FHL2: variants seen among roughly 807,000 people sequenced by gnomAD.
The protein encoded by FHL2 is four and a half LIM domains 2, also known as four and a half LIM domains protein 2.
Under a neutral mutation model 32.7 loss-of-function variants are expected in FHL2, and 20 were observed. The observed-to-expected ratio is 0.61, with a 90% CI of 0.43 to 0.89. The LOEUF (loss-of-function observed/expected upper bound fraction) is 0.89. Ranked by LOEUF, FHL2 falls within the 40% of genes least tolerant of loss-of-function variation. The pLI, the probability that FHL2 is intolerant of heterozygous loss-of-function variation, is 0.00. For synonymous variants in FHL2, 123 were observed against 128.1 expected, an observed-to-expected ratio of 0.96 and a Z score of 0.27; for missense variants, 311 against 358.6, an observed-to-expected ratio of 0.87 and a Z score of 1.07.
intron 2 of FHL2, among the ~76,000 whole-genome samples, chr2:105,387,867 G>A (rs7603522): frequency 0.052 from 7,992 of 152,234 alleles, 641 homozygotes; most frequent in African/African-American, 0.18. Flanking sequence ...AATGCCCAGC[G>A]ATGACAGATT....
At position 105,367,550 on chromosome 2, in the gene FHL2, CA is replaced by C. The variant is rs1558683484; in HGVS notation, c.501+19del. The C allele has an allele frequency of 6.2e-7, 1 of 1,601,318 alleles. No individual in the cohort carries two copies. Among genetic ancestry groups the C allele is most frequent in the Admixed American group, 1.7e-5 (1 of 59,364 alleles). Reference sequence around the variant, plus strand: ...CAAACCAGCCAGAACGTGCAAGGGCCAAGGGGGCATCTGAGATACCTTTTTG... The same window carrying C: ...CAAACCAGCCAGAACGTGCAAGGGCCAGGGGGCATCTGAGATACCTTTTTG... On this transcript the variant is annotated intron_variant, in intron 5 of 6. Transcript: ENST00000530340.
chr2:105,360,439 C>G (rs1312208010), downstream of FHL2: 2 of 151,728 alleles, frequency 1.3e-5, no homozygotes, highest in Non-Finnish European at 2.9e-5. Flanking sequence ...TCACTGCAAG[C>G]TCTGCCTCCC....
chr2:105,363,056 C>G, intron 6 of FHL2: 1 of 515,656 alleles, frequency 1.9e-6, no homozygotes, highest in South Asian at 3.0e-5. Context: ...AACTGGAGCA[C>G]TGGCCATATG....
intron 1 of FHL2, 186 bp from the exon 2 acceptor site, chr2:105,396,883 C>A: frequency 1.7e-6 from 1 of 593,966 alleles, no homozygotes; most frequent in Non-Finnish European, 2.9e-6. Flanking sequence ...TACCTCAGGG[C>A]ATCTGAGTCA....
chr2:105,380,331 T>G (rs1681798115), intron 3 of FHL2, among the ~76,000 whole-genome samples: 1 of 152,214 alleles, frequency 6.6e-6, no homozygotes, highest in African/African-American at 2.4e-5. Flanking sequence ...AATCTTTACC[T>G]GTGAAGACCT....
chr2:105,366,224 A>T (rs1266673425), intron 5 of FHL2, among the ~76,000 whole-genome samples: 2 of 152,182 alleles, frequency 1.3e-5, no homozygotes, highest in East Asian at 3.8e-4. Context: ...AAAGAAAAAA[A>T]AAAAGGAAAT....
chr2:105,419,235 C>T (rs991479156), intron 1 of FHL2, among the ~76,000 whole-genome samples: 2 of 152,224 alleles, frequency 1.3e-5, no homozygotes, highest in South Asian at 2.1e-4. Context: ...ATAGGTTTTT[C>T]GGAACTGGTG....
chr2:105,373,714 C>CGGTCCTT lies in FHL2; in HGVS notation c.169_175dup (p.Arg59GlnfsTer7). 1 of 1,614,036 alleles carries CGGTCCTT rather than the reference C, an allele frequency of 6.2e-7. No individual in the cohort carries two copies. Among genetic ancestry groups the CGGTCCTT allele is most frequent in the Non-Finnish European group, 8.5e-7 (1 of 1,180,030 alleles). On this transcript the variant is annotated frameshift_variant, in exon 4 of 7. Coordinates refer to ENST00000530340, the MANE Select transcript of FHL2 (RefSeq NM_001318895.3). LOFTEE classifies it high-confidence loss of function. ...GTGGAAACAGGCTTCATGCCAGTGC[C>CGGTCCTT]GGTCCTTGTAAGACAAGTCCTGTGG... is the stretch of plus-strand genomic sequence containing the variant.
At chr2:105,376,380 C>T (rs901838721) in intron 3 of FHL2, 1 of 152,176 alleles carries the variant, frequency 6.6e-6, no homozygotes, top group African/African-American at 2.4e-5. Context: ...CCAGAAACGA[C>T]CAAACTCTGG....
Position 105,361,337 on chromosome 2 carries a change from G to C in FHL2, c.786C>G (p.Gly262=). 6.2e-7 allele frequency: 1 copy of C among 1,614,148 alleles called. No individual in the cohort carries two copies. The highest frequency in any genetic ancestry group is 1.1e-5 in the South Asian group (1 of 91,072). Residue 262 remains glycine, a synonymous_variant, in exon 7 of 7, where the codon GGC becomes GGG. Coordinates refer to ENST00000530340, the MANE Select transcript of FHL2 (RefSeq NM_001318895.3). The stretch of plus-strand genomic sequence containing the variant: ...GGATGTCGTCCCTCTCTGTGAGGAA[G>C]CCACGCCCCACCAGTGAGAGGGAGC... ...KKCSLSLVGR[G]FLTERDDILC... is the part of the protein sequence containing the mutation.
In FHL2 at chr2:105,385,485, A is replaced by C. The variant is rs1682238455; in HGVS notation, c.156+876T>G. Among the ~76,000 whole-genome samples the C allele has an allele frequency of 2.0e-5, 3 of 152,348 alleles. No homozygotes were observed. In the South Asian group the frequency reaches 6.2e-4, roughly 32 times the overall value. ...GCACAAAGCAACGAGAGCAGAAAAG[A>C]GATAGTAAAATGCCATGAACTGACT... is the stretch of plus-strand genomic sequence containing the variant. On this transcript the variant is annotated intron_variant, in intron 3 of 6. Transcript: ENST00000530340.
intron 1 of FHL2, among the ~76,000 whole-genome samples, chr2:105,397,267 C>T (rs185045653): frequency 3.3e-5 from 5 of 152,180 alleles, no homozygotes; most frequent in South Asian, 4.1e-4. Flanking sequence ...ATTTACAGCC[C>T]GGGAAACCCT....
chr2:105,387,849 T>A (rs182888761), intron 2 of FHL2, among the ~76,000 whole-genome samples: 61 of 152,278 alleles, frequency 4.0e-4, no homozygotes, highest in South Asian at 1.9e-3. Flanking sequence ...CAACATGGAA[T>A]CAACCTAAAT....
intron 5 of FHL2, among the ~76,000 whole-genome samples, chr2:105,364,536 A>AT (rs1680500247): frequency 6.6e-6 from 1 of 152,186 alleles, no homozygotes; most frequent in Admixed American, 6.5e-5. Context: ...CAGTACCTCA[A>AT]TTTTACCTGA....
At chr2:105,397,652 T>C (rs1475854555) in intron 1 of FHL2, among the ~76,000 whole-genome samples, 2 of 152,224 alleles carry the variant, frequency 1.3e-5, no homozygotes, top group Non-Finnish European at 2.9e-5. Flanking sequence ...TGTTATGGTG[T>C]AAACGCATTT....
At chr2:105,418,669 T>C (rs1471850963) in intron 1 of FHL2, among the ~76,000 whole-genome samples, 1 of 152,200 alleles carries the variant, frequency 6.6e-6, no homozygotes, top group Non-Finnish European at 1.5e-5. Flanking sequence ...ATAAAGTGTA[T>C]TTATTCATAC....
chr2:105,365,674 C>CAA (rs771107312), intron 5 of FHL2, among the ~76,000 whole-genome samples: 13 of 71,658 alleles, frequency 1.8e-4, no homozygotes, highest in South Asian at 9.3e-4. Context: ...GTCTCTACTA[C>CAA]AAAAAAAAAA....
intron 3 of FHL2, among the ~76,000 whole-genome samples, chr2:105,383,264 G>A (rs534179946): frequency 3.3e-5 from 5 of 152,320 alleles, no homozygotes; most frequent in South Asian, 2.1e-4. Flanking sequence ...ATCAGTCTAC[G>A]AAAATATTTT....
At chr2:105,399,654 G>C, upstream of FHL2, 2 of 1,485,362 alleles carry the variant, frequency 1.3e-6, no homozygotes, top group South Asian at 2.7e-5. Flanking sequence ...CCTCCAGGGC[G>C]GGAAAACCAA....
Sources: allele counts gnomAD v4.1 joint callset (sites outside exome capture counted in the v4.1 genomes callset), GRCh38; gene constraint gnomAD v4.1.1; transcripts MANE v1.5; gene names NCBI Gene and HGNC (gene_info 2026-07-23, HGNC 2026-07-21).